The following ARMC3 variants were observed in gnomAD, a reference collection of about 807,000 sequenced individuals.
ARMC3 encodes armadillo repeat-containing protein 3.
ARMC3 carries 74 observed loss-of-function variants against 90.3 expected under a neutral mutation model. That is an observed-to-expected ratio of 0.82 (90% CI 0.68 to 0.99). The LOEUF (loss-of-function observed/expected upper bound fraction) is 0.99, where lower values mean the gene tolerates loss of function less well. Ranked by LOEUF, ARMC3 falls within the 50% of genes least tolerant of loss-of-function variation. The pLI is 0.00. For synonymous variants in ARMC3, 334 were observed against 361.8 expected (o/e 0.92, Z 0.87); for missense variants, 958 against 1,042.8 (o/e 0.92, Z 1.12).
intron 16 of ARMC3, among the ~76,000 whole-genome samples, chr10:23,016,079 T>G (rs1166286652): frequency 6.6e-6 from 1 of 152,176 alleles, no homozygotes; most frequent in Non-Finnish European, 1.5e-5. Context: ...GTTCCCATCC[T>G]TTTGGAATAA....
chr10:23,005,296 A>G lies in ARMC3; in HGVS notation c.1732-1588A>G, dbSNP rs556579507. Among the ~76,000 whole-genome samples, 92 of 152,244 alleles carry G rather than the reference A, an allele frequency of 6.0e-4. No homozygotes were observed. The Middle Eastern group carries it at 0.014, about 23-fold the overall frequency. On this transcript the variant is annotated intron_variant, in intron 13 of 18. Transcript: ENST00000298032. Reference sequence around the variant, plus strand: ...GGAAAAGCCGAAAAACGATCGCAGAACACTTACCAGGAAAACCTTGCCATA... The same window carrying G: ...GGAAAAGCCGAAAAACGATCGCAGAGCACTTACCAGGAAAACCTTGCCATA...
chr10:23,019,140 C>G (rs1300642787), intron 16 of ARMC3, among the ~76,000 whole-genome samples: 1 of 152,148 alleles, frequency 6.6e-6, no homozygotes, highest in African/African-American at 2.4e-5. Context: ...AGTATTTTAA[C>G]GAAACGATGA....
intron 8 of ARMC3, among the ~76,000 whole-genome samples, chr10:22,977,472 T>C (rs1235401420): frequency 6.6e-6 from 1 of 152,240 alleles, no homozygotes; most frequent in Non-Finnish European, 1.5e-5. Flanking sequence ...TTCCCAGATC[T>C]ACCTTAACAT....
chr10:22,978,887 T>C (rs939814011), intron 8 of ARMC3, among the ~76,000 whole-genome samples: 1 of 152,224 alleles, frequency 6.6e-6, no homozygotes, highest in Non-Finnish European at 1.5e-5. Flanking sequence ...TCATGCATTG[T>C]CATTGTATGT....
chr10:23,008,684 A>G, intron 15 of ARMC3, 131 bp from the exon 16 acceptor site: 1 of 786,546 alleles, frequency 1.3e-6, no homozygotes, highest in Non-Finnish European at 2.0e-6. Flanking sequence ...TGGGGAAAGG[A>G]ATCAAGTTAT....
At chr10:23,004,647 C>A (rs901674016) in intron 13 of ARMC3, among the ~76,000 whole-genome samples, 3 of 152,094 alleles carry the variant, frequency 2.0e-5, no homozygotes, top group Non-Finnish European at 2.9e-5. Context: ...TTCCAAGAAG[C>A]AGAGGAGACA....
intron 16 of ARMC3, chr10:23,014,202 C>T (rs1838162453): frequency 6.5e-7 from 1 of 1,544,260 alleles, no homozygotes; most frequent in Non-Finnish European, 8.7e-7. Context: ...ACAACTGGGC[C>T]TTGGTCTTCT....
At chr10:23,002,831 C>T (rs1837372099) in intron 12 of ARMC3, among the ~76,000 whole-genome samples, 2 of 152,130 alleles carry the variant, frequency 1.3e-5, no homozygotes, top group African/African-American at 4.8e-5. Flanking sequence ...GCCTCAGCCT[C>T]CCAAAGTGCT....
intron 7 of ARMC3, among the ~76,000 whole-genome samples, chr10:22,967,500 G>A (rs1564359983): frequency 6.6e-6 from 1 of 152,142 alleles, no homozygotes; most frequent in Non-Finnish European, 1.5e-5. Context: ...AAAATCCTTG[G>A]GTGATGTTTA....
intron 10 of ARMC3, among the ~76,000 whole-genome samples, chr10:22,990,419 A>T (rs1427968180): frequency 6.6e-6 from 1 of 152,320 alleles, no homozygotes; most frequent in East Asian, 1.9e-4. Context: ...TCATGCACAC[A>T]CACAAGTTTT....
chr10:22,974,400 C>T (rs974064478), intron 8 of ARMC3, among the ~76,000 whole-genome samples: 1 of 152,100 alleles, frequency 6.6e-6, no homozygotes, highest in Non-Finnish European at 1.5e-5. Context: ...TTTATAGCTA[C>T]TATATTCACC....
intron 3 of ARMC3, among the ~76,000 whole-genome samples, chr10:22,954,522 A>T (rs78859515): frequency 2.0e-5 from 3 of 151,592 alleles, no homozygotes; most frequent in Non-Finnish European, 4.4e-5. Flanking sequence ...AAAAAAAAAA[A>T]TTAGCTAGGC....
intron 8 of ARMC3, among the ~76,000 whole-genome samples, chr10:22,969,737 G>A (rs559888880): frequency 3.3e-5 from 5 of 152,296 alleles, no homozygotes; most frequent in Admixed American, 6.5e-5. Flanking sequence ...AGTGAGACCC[G>A]AAGAGAAGTA....
At chr10:22,976,245 T>A (rs1240628442) in intron 8 of ARMC3, among the ~76,000 whole-genome samples, 2 of 152,200 alleles carry the variant, frequency 1.3e-5, no homozygotes, top group Non-Finnish European at 2.9e-5. Context: ...TTTTTCTCCT[T>A]TTCTTATCAA....
chr10:23,015,131 A>T (rs917430985), intron 16 of ARMC3, among the ~76,000 whole-genome samples: 6 of 152,124 alleles, frequency 3.9e-5, no homozygotes, highest in African/African-American at 1.4e-4. Flanking sequence ...ATTACATGTG[A>T]AGTGTTCTAA....
intron 2 of ARMC3, among the ~76,000 whole-genome samples, chr10:22,943,687 C>T (rs1201222633): frequency 3.4e-4 from 51 of 151,992 alleles, no homozygotes; most frequent in Admixed American, 3.3e-3. Context: ...AATCCCAGCA[C>T]TTTGGGAGGC....
intron 8 of ARMC3, among the ~76,000 whole-genome samples, chr10:22,980,138 A>G (rs1016924381): frequency 3.9e-5 from 6 of 152,232 alleles, no homozygotes; most frequent in Non-Finnish European, 7.4e-5. Context: ...TAACATGTGT[A>G]TAAGTAATGA....
At chr10:23,003,547 C>T in intron 13 of ARMC3, 133 bp downstream of exon 13, 1 of 789,320 alleles carries the variant, frequency 1.3e-6, no homozygotes, top group Non-Finnish European at 1.9e-6. Flanking sequence ...TGAAAATCAG[C>T]ACTTCATTCT....
chr10:23,007,873 G>T (rs771750676), intron 14 of ARMC3, among the ~76,000 whole-genome samples: 28 of 152,164 alleles, frequency 1.8e-4, no homozygotes, highest in Non-Finnish European at 3.4e-4. Context: ...TGAGGTTGAT[G>T]CAGGAGGATC....
Sources: gnomAD v4.1 joint callset for allele counts (sites outside exome capture counted in the v4.1 genomes callset) on GRCh38, gnomAD v4.1.1 for gene constraint, MANE v1.5 for transcripts, NCBI Gene and HGNC (gene_info 2026-07-23, HGNC 2026-07-21) for gene names.